Variants in DAZAP1 observed in about 807,000 individuals in gnomAD.
DAZAP1 encodes DAZ associated protein 1.
In DAZAP1, 6 loss-of-function variants were observed where a neutral mutation model predicts 60.1. The observed-to-expected ratio is 0.10, with a 90% CI of 0.05 to 0.20. The LOEUF is 0.20. Among genes scored for constraint, DAZAP1 ranks in the 10% least tolerant of loss-of-function variants. The pLI is 1.00. For missense variants in DAZAP1, 366 were observed against 560.4 expected (o/e 0.65, Z 3.50); for synonymous variants, 235 against 215.9 (o/e 1.09, Z -0.78).
chr19:1,423,259 C>G lies in DAZAP1; in HGVS notation c.463+863C>G, dbSNP rs1237432925. 6.6e-6 allele frequency among the ~76,000 whole-genome samples: 1 copy of G among 152,246 alleles called. No homozygotes were observed. The highest frequency in any genetic ancestry group is 1.9e-4 in the East Asian group (1 of 5,200). Reference sequence around the variant, plus strand: ...CCTCCCCACGGTTAGGAGTGCTCCTCCTCCATGTCGGTTACGCTGTTAAGT... The same window carrying G: ...CCTCCCCACGGTTAGGAGTGCTCCTGCTCCATGTCGGTTACGCTGTTAAGT... On this transcript the variant is annotated intron_variant, in intron 6 of 11. Transcript: ENST00000233078. This position sits in a 1 kb window ranked among gnomAD's most constrained non-coding sequence, Gnocchi z 6.8.
chr19:1,432,708 A>G lies in DAZAP1; in HGVS notation c.1048+18A>G. The G allele has an allele frequency of 1.3e-6, 2 of 1,572,772 alleles. No homozygotes were observed. Among genetic ancestry groups the G allele is most frequent in the Non-Finnish European group, 1.7e-6 (2 of 1,156,382 alleles). ...TCAGTATGGTAAGTGGTCTCCTGCCATGCCGCGTCCCCGCTGGCCCCAGGA... is the reference window on the plus strand; with the variant it reads ...TCAGTATGGTAAGTGGTCTCCTGCCGTGCCGCGTCCCCGCTGGCCCCAGGA... On this transcript the variant is annotated intron_variant, in intron 11 of 11. Transcript: ENST00000233078. This position sits in a 1 kb window ranked among gnomAD's most constrained non-coding sequence, Gnocchi z 4.9.
At position 1,425,175 on chromosome 19, in the gene DAZAP1, T is replaced by C. The variant is rs1014810915; in HGVS notation, c.464-703T>C. Among the ~76,000 whole-genome samples, 1 of 152,230 alleles carries C rather than the reference T, an allele frequency of 6.6e-6. No individual in the cohort carries two copies. Among genetic ancestry groups the C allele is most frequent in the African/African-American group, 2.4e-5 (1 of 41,458 alleles). On this transcript the variant is annotated intron_variant, in intron 6 of 11. Coordinates refer to ENST00000233078, the MANE Select transcript of DAZAP1 (RefSeq NM_018959.4). The surrounding 1 kb of genome is among the most constrained non-coding windows in gnomAD (Gnocchi z 5.4). The stretch of plus-strand genomic sequence containing the variant: ...TTTCTCTACCTGTATAGAACATGCA[T>C]AGATGTCTACGATATGACCTCTTCT...
chr19:1,414,011 G>T (rs1020453734), intron 1 of DAZAP1, among the ~76,000 whole-genome samples: 45 of 150,760 alleles, frequency 3.0e-4, no homozygotes, highest in Non-Finnish European at 3.5e-4. Context: ...GTGTGTGTGT[G>T]TGTGTGTGTG....
chr19:1,415,397 T>TTG (rs1335714573), intron 1 of DAZAP1, among the ~76,000 whole-genome samples: 389 of 138,672 alleles, frequency 2.8e-3, no homozygotes, highest in Non-Finnish European at 3.5e-3. Flanking sequence ...GTGTTTTGTT[T>TTG]TTTTTTTTTT....
Position 1,433,783 on chromosome 19 carries a change from T to C in DAZAP1, c.1049-954T>C. On this transcript the variant is annotated intron_variant, in intron 11 of 11. Coordinates refer to ENST00000233078, the MANE Select transcript of DAZAP1 (RefSeq NM_018959.4). This position sits in a 1 kb window ranked among gnomAD's most constrained non-coding sequence, Gnocchi z 6.1. ...AGCCCCGCCGGGCTGCGGCCCACAC[T>C]TTGTTTACAGTCTTATGGTCAGGCT... 2 of 1,613,990 alleles carry C rather than the reference T, an allele frequency of 1.2e-6. No homozygotes were observed. Among genetic ancestry groups the C allele is most frequent in the Non-Finnish European group, 1.7e-6 (2 of 1,179,910 alleles).
intron 1 of DAZAP1, among the ~76,000 whole-genome samples, chr19:1,415,300 A>G (rs1420959538): frequency 6.7e-6 from 1 of 148,492 alleles, no homozygotes; most frequent in African/African-American, 2.5e-5. Context: ...AGTGCTGACT[A>G]CAGGCTGCTG....
intron 10 of DAZAP1, among the ~76,000 whole-genome samples, chr19:1,431,544 C>T (rs561520823): frequency 6.6e-6 from 1 of 152,270 alleles, no homozygotes; most frequent in South Asian, 2.1e-4. Context: ...ACTCTCCTGC[C>T]TCAGTGTCCT....
chr19:1,424,633 C>A (rs1171993422), intron 6 of DAZAP1, among the ~76,000 whole-genome samples: 2 of 151,572 alleles, frequency 1.3e-5, no homozygotes, highest in African/African-American at 2.4e-5. Flanking sequence ...TTGCCTGTTC[C>A]CACCCCCCAC....
chr19:1,432,175 A>C lies in DAZAP1; in HGVS notation c.872-339A>C, dbSNP rs1220097243. On this transcript the variant is annotated intron_variant, in intron 10 of 11. Coordinates refer to ENST00000233078, the MANE Select transcript of DAZAP1 (RefSeq NM_018959.4). The surrounding 1 kb of genome is among the most constrained non-coding windows in gnomAD (Gnocchi z 4.9). ...AAACATGGGGACTGGGCATGGTGGC[A>C]GGTTTTTGTCCTTCTGAAAGAGCAA... 2.9e-6 allele frequency: 1 copy of C among 350,788 alleles called. No homozygotes were observed. The highest frequency in any genetic ancestry group is 2.2e-5 in the African/African-American group (1 of 46,060). The allele number at this position is 350,788 out of a possible 1,614,324, so 21.7% of individuals were successfully genotyped here.
intron 9 of DAZAP1, 68 bp from the exon 10 acceptor site, chr19:1,430,133 CTAGGGCCCCTGGCAGGCCTGG>C: frequency 6.7e-7 from 1 of 1,498,532 alleles, no homozygotes; most frequent in Non-Finnish European, 9.2e-7. Flanking sequence ...GAGGGGCCTG[CTAGGGCCCCTGGCAGGCCTGG>C]GTCTAACTGT....
chr19:1,412,818 C>G (rs2082867931), intron 1 of DAZAP1, among the ~76,000 whole-genome samples: 1 of 152,232 alleles, frequency 6.6e-6, no homozygotes, highest in Non-Finnish European at 1.5e-5. Context: ...GAGCTGCAGG[C>G]CCTGGGTGCC....
Position 1,422,751 on chromosome 19 carries a change from C to T in DAZAP1, c.463+355C>T, listed in dbSNP as rs1008712461. On this transcript the variant is annotated intron_variant, in intron 6 of 11. Transcript: ENST00000233078. The surrounding 1 kb of genome is among the most constrained non-coding windows in gnomAD (Gnocchi z 4.5). ...CCTCCCAGTGTGGCCGGTCTCATTT[C>T]GTGTCGTCAGCTGGGTCAGCTGGCT... Among the ~76,000 whole-genome samples, 2 of 152,122 alleles carry T rather than the reference C, an allele frequency of 1.3e-5. No homozygotes were observed. Among genetic ancestry groups the T allele is most frequent in the Admixed American group, 6.5e-5 (1 of 15,274 alleles).
Position 1,432,015 on chromosome 19 carries a change from T to G in DAZAP1, c.872-499T>G, listed in dbSNP as rs2083464771. The G allele has an allele frequency of 5.9e-6, 1 of 170,408 alleles. No individual in the cohort carries two copies. Among genetic ancestry groups the G allele is most frequent in the Non-Finnish European group, 1.3e-5 (1 of 78,722 alleles). 10.6% of individuals were successfully genotyped at this position (170,408 alleles called of 1,614,324 possible). Reference sequence around the variant, plus strand: ...CACGGAGGCCTGTGGGCCAGATGACTGACAGGAGGGGAGTTGGGTGGAACC... The same window carrying G: ...CACGGAGGCCTGTGGGCCAGATGACGGACAGGAGGGGAGTTGGGTGGAACC... On this transcript the variant is annotated intron_variant, in intron 10 of 11. Transcript: ENST00000233078. This position sits in a 1 kb window ranked among gnomAD's most constrained non-coding sequence, Gnocchi z 4.9.
At position 1,422,707 on chromosome 19, in the gene DAZAP1, T is replaced by TAGGA. The variant is rs2083193190; in HGVS notation, c.463+311_463+312insAGGA. Among the ~76,000 whole-genome samples, 2 of 152,142 alleles carry TAGGA rather than the reference T, an allele frequency of 1.3e-5. No homozygotes were observed. The highest frequency in any genetic ancestry group is 1.3e-4 in the Admixed American group (2 of 15,272). ...AGTGTGGTCCTTCTGCATTTGACCT[T>TAGGA]CCTTCACCCTCATCCAGTCCTCCCA... On this transcript the variant is annotated intron_variant, in intron 6 of 11. Transcript: ENST00000233078. This position sits in a 1 kb window ranked among gnomAD's most constrained non-coding sequence, Gnocchi z 4.5.
intron 4 of DAZAP1, among the ~76,000 whole-genome samples, chr19:1,419,613 G>T (rs997996044): frequency 6.6e-5 from 10 of 152,296 alleles, no homozygotes; most frequent in South Asian, 2.1e-4. Flanking sequence ...CTCATAGCTG[G>T]TTTTTTTCAG....
chr19:1,412,662 C>T (rs572427020), intron 1 of DAZAP1, among the ~76,000 whole-genome samples: 163 of 152,368 alleles, frequency 1.1e-3, no homozygotes, highest in South Asian at 7.5e-3. Flanking sequence ...GAGGAAGCCT[C>T]TGCAGATGGA....
Position 1,433,629 on chromosome 19 carries a change from C to CT in DAZAP1, c.1048+940dup, listed in dbSNP as rs1472199260. 6.9e-6 allele frequency: 6 copies of CT among 867,542 alleles called. No homozygotes were observed. The East Asian group carries it at 9.8e-5, about 14-fold the overall frequency. The allele number at this position is 867,542 out of a possible 1,614,324, so 53.7% of individuals were successfully genotyped here. A position where few individuals can be genotyped will look rare whatever the true frequency, so the allele number is the denominator to read the frequency against. On this transcript the variant is annotated intron_variant, in intron 11 of 11. Coordinates refer to ENST00000233078, the MANE Select transcript of DAZAP1 (RefSeq NM_018959.4). The surrounding 1 kb of genome is among the most constrained non-coding windows in gnomAD (Gnocchi z 6.1). Reference sequence around the variant, plus strand: ...CACTCACCACCAAACCCTGGCGTGTCTGAGACTGGCAGGGGGGTGTGAGGC... The same window carrying CT: ...CACTCACCACCAAACCCTGGCGTGTCTTGAGACTGGCAGGGGGGTGTGAGGC...
Position 1,425,784 on chromosome 19 carries a change from A to G in DAZAP1, c.464-94A>G, listed in dbSNP as rs2083293031. 8 of 914,338 alleles carry G rather than the reference A, an allele frequency of 8.7e-6. No homozygotes were observed. The highest frequency in any genetic ancestry group is 1.7e-5 in the Admixed American group (1 of 58,174). 56.6% of individuals were successfully genotyped at this position (914,338 alleles called of 1,614,324 possible). Reference sequence around the variant, plus strand: ...CCACACACAGCTTAGCTGAAACCCAAGGTCGATCCCTCGGCCCGTCCCTAA... The same window carrying G: ...CCACACACAGCTTAGCTGAAACCCAGGGTCGATCCCTCGGCCCGTCCCTAA... On this transcript the variant is annotated intron_variant, in intron 6 of 11. Coordinates refer to ENST00000233078, the MANE Select transcript of DAZAP1 (RefSeq NM_018959.4). This position sits in a 1 kb window ranked among gnomAD's most constrained non-coding sequence, Gnocchi z 5.4.
Position 1,435,565 on chromosome 19 carries a change from A to ACGCAGCGCTGAACCGAAC in DAZAP1, c.*656_*673dup, listed in dbSNP as rs1320576625. On this transcript the variant is annotated 3_prime_UTR_variant, in exon 12 of 12. Coordinates refer to ENST00000233078, the MANE Select transcript of DAZAP1 (RefSeq NM_018959.4). ...GCGCACAGCCAGCCGCGTGGATCCC[A>ACGCAGCGCTGAACCGAAC]CGCAGCGCTGAACCGAACCGAGTAG... The ACGCAGCGCTGAACCGAAC allele has an allele frequency of 6.6e-6, 1 of 152,286 alleles. No homozygotes were observed. The highest frequency in any genetic ancestry group is 1.5e-5 in the Non-Finnish European group (1 of 68,054). The allele number at this position is 152,286 out of a possible 1,614,324, so 9.4% of individuals were successfully genotyped here. A position where few individuals can be genotyped will look rare whatever the true frequency, so the allele number is the denominator to read the frequency against.
Sources: allele counts gnomAD v4.1 joint callset (sites outside exome capture counted in the v4.1 genomes callset), GRCh38; gene constraint gnomAD v4.1.1; non-coding constraint Gnocchi (gnomAD v3.1); transcripts MANE v1.5; gene names NCBI Gene and HGNC (gene_info 2026-07-23, HGNC 2026-07-21).